The following TMEM106B variants were observed in gnomAD, a reference collection of about 807,000 sequenced individuals.
TMEM106B encodes transmembrane protein 106B.
A neutral mutation model predicts 31.1 loss-of-function variants in TMEM106B; 15 were observed. The observed-to-expected ratio is 0.48, with a 90% CI of 0.32 to 0.74. The LOEUF (loss-of-function observed/expected upper bound fraction) is 0.74. Among genes scored for constraint, TMEM106B ranks in the 30% least tolerant of loss-of-function variants. TMEM106B has a pLI of 0.03. For synonymous variants in TMEM106B, 126 were observed against 112.5 expected, an observed-to-expected ratio of 1.12 and a Z score of -0.76; for missense variants, 283 against 327.3, an observed-to-expected ratio of 0.86 and a Z score of 1.04.
chr7:12,224,436 T>G (rs1423258120), intron 4 of TMEM106B, 51 bp downstream of exon 4: 1 of 1,480,938 alleles, frequency 6.8e-7, no homozygotes, highest in Admixed American at 1.7e-5. Flanking sequence ...TTTATCCTAT[T>G]AAGCAGCACC....
intron 2 of TMEM106B, among the ~76,000 whole-genome samples, chr7:12,217,655 T>C (rs979177287): frequency 1.3e-5 from 2 of 152,146 alleles, no homozygotes; most frequent in African/African-American, 4.8e-5. Flanking sequence ...GATACAGATA[T>C]CCATGTTATA....
At chr7:12,222,217 T>G (rs1284362666) in intron 3 of TMEM106B, among the ~76,000 whole-genome samples, 2 of 152,188 alleles carry the variant, frequency 1.3e-5, no homozygotes, top group Non-Finnish European at 2.9e-5. Context: ...CTTTCATAAC[T>G]TCATTAGCAC....
Position 12,232,555 on chromosome 7 carries a change from C to G in TMEM106B, c.*580C>G, listed in dbSNP as rs1285980138. 1 of 152,220 alleles carries G rather than the reference C, an allele frequency of 6.6e-6. No individual in the cohort carries two copies. Among genetic ancestry groups the G allele is most frequent in the East Asian group, 1.9e-4 (1 of 5,200 alleles). The allele number at this position is 152,220 out of a possible 1,614,324, so 9.4% of individuals were successfully genotyped here. On this transcript the variant is annotated 3_prime_UTR_variant, in exon 8 of 8. Transcript: ENST00000396668. ...TCACTTATTTCAGGTTAGTGATTGC[C>G]TAACACTTATAAGCCAAAATAATCT...
intron 4 of TMEM106B, among the ~76,000 whole-genome samples, chr7:12,228,340 C>A (rs770510533): frequency 1.3e-5 from 2 of 151,758 alleles, no homozygotes; most frequent in Non-Finnish European, 2.9e-5. Context: ...TGTATACTCA[C>A]ATATTCAGCT....
intron 5 of TMEM106B, 146 bp downstream of exon 5, chr7:12,229,965 C>T: frequency 1.1e-6 from 1 of 929,010 alleles, no homozygotes; most frequent in East Asian, 2.7e-5. Flanking sequence ...GCCTGTGATC[C>T]CCGCACCTTG....
intron 4 of TMEM106B, among the ~76,000 whole-genome samples, chr7:12,227,241 G>T (rs7804736): frequency 0.5 from 76,576 of 151,834 alleles, 20,411 homozygotes; most frequent in African/African-American, 0.66. Flanking sequence ...GTTGAAAATG[G>T]AACTGCTTTG....
At chr7:12,227,946 C>G (rs898774918) in intron 4 of TMEM106B, among the ~76,000 whole-genome samples, 4 of 151,830 alleles carry the variant, frequency 2.6e-5, no homozygotes, top group African/African-American at 9.7e-5. Flanking sequence ...CAGAAAAAGA[C>G]ATGTACCAGC....
rs1231505925 is a variant in TMEM106B, at chr7:12,236,810, A to T, written c.*4835A>T. ...TTATTATATAATGGTTTTAGGCATA[A>T]ATTATTAACAAGCCATGCCTTATGT... On this transcript the variant is annotated 3_prime_UTR_variant, in exon 8 of 8. Coordinates refer to ENST00000396668, the MANE Select transcript of TMEM106B (RefSeq NM_001134232.2). 6.6e-6 allele frequency: 1 copy of T among 152,038 alleles called. No individual in the cohort carries two copies. The highest frequency in any genetic ancestry group is 2.4e-5 in the African/African-American group (1 of 41,432). 9.4% of individuals were successfully genotyped at this position (152,038 alleles called of 1,614,324 possible). A position where few individuals can be genotyped will look rare whatever the true frequency, so the allele number is the denominator to read the frequency against.
chr7:12,214,748 G>C, intron 1 of TMEM106B, 61 bp from the exon 2 acceptor site: 1 of 1,262,920 alleles, frequency 7.9e-7, no homozygotes, highest in South Asian at 1.4e-5. Context: ...AAATATCTCA[G>C]AGTGTTCTTG....
intron 1 of TMEM106B, among the ~76,000 whole-genome samples, chr7:12,212,920 G>A (rs1781608634): frequency 1.3e-5 from 2 of 152,168 alleles, no homozygotes; most frequent in African/African-American, 2.4e-5. Context: ...ACCGCTAAAA[G>A]ACATATCAAA....
At chr7:12,225,068 C>G (rs1781873344) in intron 4 of TMEM106B, among the ~76,000 whole-genome samples, 1 of 152,044 alleles carries the variant, frequency 6.6e-6, no homozygotes, top group Non-Finnish European at 1.5e-5. Flanking sequence ...CTCCCTGTAT[C>G]CAAGTATTCT....
chr7:12,212,922 CAT>C (rs1446983299), intron 1 of TMEM106B, among the ~76,000 whole-genome samples: 1 of 152,184 alleles, frequency 6.6e-6, no homozygotes, highest in Admixed American at 6.5e-5. Context: ...CGCTAAAAGA[CAT>C]ATCAAATTTA....
chr7:12,223,585 T>C (rs550877829), intron 3 of TMEM106B, among the ~76,000 whole-genome samples: 55 of 152,258 alleles, frequency 3.6e-4, no homozygotes, highest in South Asian at 1.9e-3. Context: ...CTTCAGTGAA[T>C]TCAGAGGGAG....
At position 12,214,925 on chromosome 7, in the gene TMEM106B, G is replaced by A. The variant is rs770339502; in HGVS notation, c.115G>A (p.Asp39Asn). 12 of 1,613,972 alleles carry A rather than the reference G, an allele frequency of 7.4e-6. No homozygotes were observed. The African/African-American group carries it at 1.6e-4, about 22-fold the overall frequency. Residue 39 changes from aspartate (D) to asparagine (N), a missense_variant, in exon 2 of 8, where the codon GAT becomes AAT. Asp to Asn is a conservative substitution (Grantham distance 23). Transcript: ENST00000396668. ...GLVNSEVHNE[D>N]GRNGDVSQFP... is the part of the protein sequence containing the mutation. ...GGTTAATAGTGAAGTCCATAATGAAGATGGAAGAAATGGAGATGTCTCTCA... is the reference window on the plus strand; with the variant it reads ...GGTTAATAGTGAAGTCCATAATGAAAATGGAAGAAATGGAGATGTCTCTCA...
rs1166551976 is a variant in TMEM106B at position 12,236,612 on chromosome 7, T to G, written c.*4637T>G. The G allele has an allele frequency of 6.6e-6, 1 of 151,992 alleles. No homozygotes were observed. The highest frequency in any genetic ancestry group is 2.4e-5 in the African/African-American group (1 of 41,436). The allele number at this position is 151,992 out of a possible 1,614,324, so 9.4% of individuals were successfully genotyped here. A position where few individuals can be genotyped will look rare whatever the true frequency, so the allele number is the denominator to read the frequency against. On this transcript the variant is annotated 3_prime_UTR_variant, in exon 8 of 8. Transcript: ENST00000396668. The stretch of plus-strand genomic sequence containing the variant: ...TGGCCAAAAGGTAATATTACTACCA[T>G]GTAGACTGTTATAGTTCAAATTGTC...
rs1206019888 is a variant in TMEM106B, at chr7:12,237,454, T to C, written c.*5479T>C. 6.6e-6 allele frequency: 1 copy of C among 152,182 alleles called. No individual in the cohort carries two copies. The highest frequency in any genetic ancestry group is 1.5e-5 in the Non-Finnish European group (1 of 68,040). The allele number at this position is 152,182 out of a possible 1,614,324, so 9.4% of individuals were successfully genotyped here. ...AGCTTTATCCATTCTACCTCTGTAATGTCTCTGGAATTTATCTCATACGTG... is the reference window on the plus strand; with the variant it reads ...AGCTTTATCCATTCTACCTCTGTAACGTCTCTGGAATTTATCTCATACGTG... On this transcript the variant is annotated 3_prime_UTR_variant, in exon 8 of 8. Transcript: ENST00000396668.
rs1782261726 is a variant in TMEM106B, at chr7:12,243,102, T to C, written c.*11127T>C. 6.6e-6 allele frequency: 1 copy of C among 152,064 alleles called. No individual in the cohort carries two copies. Among genetic ancestry groups the C allele is most frequent in the African/African-American group, 2.4e-5 (1 of 41,434 alleles). The allele number at this position is 152,064 out of a possible 1,614,324, so 9.4% of individuals were successfully genotyped here. On this transcript the variant is annotated 3_prime_UTR_variant, in exon 8 of 8. Transcript: ENST00000396668. ...TAATATTTTCAAGGTTTTTTATTTA[T>C]ATAAATATTGTTACTTTACCACTAG...
chr7:12,224,517 G>T, intron 4 of TMEM106B, 132 bp downstream of exon 4: 3 of 674,064 alleles, frequency 4.5e-6, no homozygotes, highest in Non-Finnish European at 7.2e-6. Flanking sequence ...TGTCTTTTCT[G>T]TATTGACGTT....
intron 2 of TMEM106B, chr7:12,215,606 TG>T: frequency 2.7e-6 from 1 of 368,370 alleles, no homozygotes; most frequent in Non-Finnish European, 5.7e-6. Context: ...ATAATAAGGA[TG>T]GAGTTTCCCC....
Sources: gnomAD v4.1 joint callset for allele counts (sites outside exome capture counted in the v4.1 genomes callset) on GRCh38, gnomAD v4.1.1 for gene constraint, MANE v1.5 for transcripts, NCBI Gene and HGNC (gene_info 2026-07-23, HGNC 2026-07-21) for gene names.